SLC1A7: variants seen among roughly 807,000 people sequenced by gnomAD.
SLC1A7 encodes solute carrier family 1 member 7.
SLC1A7 carries 40 observed loss-of-function variants against 47.7 expected under a neutral mutation model. That is an observed-to-expected ratio of 0.84 (90% CI 0.65 to 1.09). The LOEUF (loss-of-function observed/expected upper bound fraction) is 1.09. SLC1A7 is among the 50% of genes least tolerant of loss of function. The pLI, the probability that SLC1A7 is intolerant of heterozygous loss-of-function variation, is 0.00. For synonymous variants in SLC1A7, 323 were observed against 325.6 expected, an observed-to-expected ratio of 0.99 and a Z score of 0.09; for missense variants, 746 against 769.5, an observed-to-expected ratio of 0.97 and a Z score of 0.36.
At chr1:53,117,267 A>AGAT (rs1460972524) in intron 2 of SLC1A7, among the ~76,000 whole-genome samples, 1 of 152,204 alleles carries the variant, frequency 6.6e-6, no homozygotes, top group Non-Finnish European at 1.5e-5. Context: ...GGTTAGTGAC[A>AGAT]GATTGGTGAT....
rs749954155 is a variant in SLC1A7 at position 53,088,195 on chromosome 1, G to A, written c.1497C>T (p.Ser499=). ...GCTGGGCTGCCACGATCTCCTGGAG[G>A]CTCACTGGCTTGGTCTCGCAGGGCA... ...KLLPCETKPV[S]LQEIVAAQQN... is the part of the protein sequence containing the mutation. Residue 499 remains serine, a synonymous_variant, in exon 11 of 11, where the codon AGC becomes AGT. Coordinates refer to ENST00000371494, the MANE Select transcript of SLC1A7 (RefSeq NM_006671.6). The A allele has an allele frequency of 6.2e-7, 1 of 1,612,288 alleles. No homozygotes were observed. The highest frequency in any genetic ancestry group is 1.7e-5 in the Admixed American group (1 of 59,936).
At chr1:53,125,330 C>T (rs923079279) in intron 2 of SLC1A7, among the ~76,000 whole-genome samples, 4 of 152,182 alleles carry the variant, frequency 2.6e-5, no homozygotes, top group East Asian at 3.8e-4. Context: ...CAGCAAATGT[C>T]GGATGAGAAG....
chr1:53,117,596 A>G (rs1372584944), intron 2 of SLC1A7, among the ~76,000 whole-genome samples: 5 of 152,240 alleles, frequency 3.3e-5, no homozygotes, highest in Non-Finnish European at 7.3e-5. Context: ...GATTGTTTGC[A>G]TCTCTGCAGT....
intron 2 of SLC1A7, among the ~76,000 whole-genome samples, chr1:53,118,047 A>G (rs1219466983): frequency 6.6e-6 from 1 of 152,260 alleles, no homozygotes; most frequent in Non-Finnish European, 1.5e-5. Flanking sequence ...TGCCAGGGCC[A>G]CCGCAGGTGA....
chr1:53,106,781 C>T (rs1012462654), intron 3 of SLC1A7, among the ~76,000 whole-genome samples: 3 of 152,048 alleles, frequency 2.0e-5, no homozygotes, highest in Non-Finnish European at 4.4e-5. Context: ...TGCAGCTGAC[C>T]AACGGTTTGG....
In SLC1A7 at chr1:53,087,345, T is replaced by G. The variant is rs1187016912; in HGVS notation, c.*664A>C. 1 of 152,080 alleles carries G rather than the reference T, an allele frequency of 6.6e-6. No individual in the cohort carries two copies. 9.4% of individuals were successfully genotyped at this position (152,080 alleles called of 1,614,324 possible). Reference sequence around the variant, plus strand: ...TCCTGGCTGCACCTCCTTCCCGGAGTCCTGGCTTGCCTACCTATTCCATGG... The same window carrying G: ...TCCTGGCTGCACCTCCTTCCCGGAGGCCTGGCTTGCCTACCTATTCCATGG... On this transcript the variant is annotated 3_prime_UTR_variant, in exon 11 of 11. Coordinates refer to ENST00000371494, the MANE Select transcript of SLC1A7 (RefSeq NM_006671.6).
intron 6 of SLC1A7, 52 bp downstream of exon 6, chr1:53,093,409 C>G (rs1644447405): frequency 1.4e-6 from 2 of 1,404,962 alleles, no homozygotes; most frequent in Non-Finnish European, 2.0e-6. Flanking sequence ...CTTGTCTTCC[C>G]TCCATCCACC....
intron 2 of SLC1A7, among the ~76,000 whole-genome samples, chr1:53,134,110 C>G (rs777301293): frequency 6.6e-6 from 1 of 152,302 alleles, no homozygotes; most frequent in South Asian, 2.1e-4. Flanking sequence ...GGGTCATATC[C>G]GTTGATTCCA....
intron 2 of SLC1A7, among the ~76,000 whole-genome samples, chr1:53,125,471 A>G (rs1480143831): frequency 1.3e-5 from 2 of 152,158 alleles, no homozygotes; most frequent in Non-Finnish European, 2.9e-5. Context: ...CTGAGAGGAA[A>G]AAGACTAAGA....
At chr1:53,106,919 C>G (rs771890310) in intron 3 of SLC1A7, among the ~76,000 whole-genome samples, 1 of 152,070 alleles carries the variant, frequency 6.6e-6, no homozygotes, top group East Asian at 1.9e-4. Context: ...CTTTGGGAGG[C>G]CAAGGTGGGC....
At chr1:53,093,364 C>A in intron 6 of SLC1A7, 97 bp downstream of exon 6, 1 of 1,009,150 alleles carries the variant, frequency 9.9e-7, no homozygotes, top group Non-Finnish European at 1.5e-6. Context: ...CTGGGCACAG[C>A]TTTCTGCTCA....
At position 53,103,505 on chromosome 1, in the gene SLC1A7, G is replaced by A. The variant is rs545783303; in HGVS notation, c.538C>T (p.Arg180Trp). The A allele has an allele frequency of 7.3e-5, 117 of 1,612,824 alleles. No homozygotes were observed. Among genetic ancestry groups the A allele is most frequent in the Non-Finnish European group, 9.4e-5 (111 of 1,179,358 alleles). ...TGGACCCCGTAGATGAGGATCCGCC[G>A]AGGAGGGGCCTCCTCTGGTGCCACC... is the stretch of plus-strand genomic sequence containing the variant. Reference protein sequence around the residue: ...PKVAPEEAPPRRILIYGVQEE... With the variant: ...PKVAPEEAPPWRILIYGVQEE... The change falls in exon 5 of 11, where the codon CGG becomes TGG. Residue 180 changes from arginine to tryptophan, a missense_variant. Coordinates refer to ENST00000371494, the MANE Select transcript of SLC1A7 (RefSeq NM_006671.6).
At chr1:53,088,843 C>T in intron 10 of SLC1A7, 34 bp downstream of exon 10, 1 of 1,573,666 alleles carries the variant, frequency 6.4e-7, no homozygotes, top group Non-Finnish European at 8.7e-7. Context: ...GTGGCTCCAC[C>T]CTCCTGGCAG....
intron 5 of SLC1A7, among the ~76,000 whole-genome samples, chr1:53,101,393 TCA>T (rs1245798608): frequency 1.4e-5 from 2 of 138,800 alleles, no homozygotes; most frequent in East Asian, 4.4e-4. Flanking sequence ...CCCATTACAC[TCA>T]CACACACTGC....
At chr1:53,095,376 G>A (rs947298259) in intron 5 of SLC1A7, among the ~76,000 whole-genome samples, 1 of 151,996 alleles carries the variant, frequency 6.6e-6, no homozygotes, top group African/African-American at 2.4e-5. Context: ...GCACATAAAG[G>A]CATGAGCATA....
chr1:53,120,579 C>G (rs1287624773), intron 2 of SLC1A7, among the ~76,000 whole-genome samples: 3 of 152,228 alleles, frequency 2.0e-5, no homozygotes, highest in Non-Finnish European at 4.4e-5. Context: ...ATCCACCATC[C>G]CTTCCCCAAC....
intron 5 of SLC1A7, 110 bp from the exon 6 acceptor site, chr1:53,093,670 C>T (rs999256318): frequency 1.4e-6 from 1 of 706,078 alleles, no homozygotes; most frequent in Non-Finnish European, 2.4e-6. Context: ...GCACTCCCCC[C>T]ACTCCCCCCA....
chr1:53,119,047 T>C (rs964042985), intron 2 of SLC1A7, among the ~76,000 whole-genome samples: 3 of 135,284 alleles, frequency 2.2e-5, no homozygotes, highest in African/African-American at 8.6e-5. Flanking sequence ...TTAAATTAAA[T>C]AAAAGTTCAG....
At chr1:53,127,944 C>T (rs1330687760) in intron 2 of SLC1A7, among the ~76,000 whole-genome samples, 1 of 152,216 alleles carries the variant, frequency 6.6e-6, no homozygotes, top group South Asian at 2.1e-4. Flanking sequence ...AGGACTCAGC[C>T]AAGCCCGCCC....
Sources: gnomAD v4.1 joint callset for allele counts (sites outside exome capture counted in the v4.1 genomes callset) on GRCh38, gnomAD v4.1.1 for gene constraint, MANE v1.5 for transcripts, NCBI Gene and HGNC (gene_info 2026-07-23, HGNC 2026-07-21) for gene names.